The following JCAD variants were observed in gnomAD, a reference collection of about 807,000 sequenced individuals.
JCAD encodes the protein junctional cadherin 5 associated.
In JCAD, 40 loss-of-function variants were observed where a neutral mutation model predicts 98.0. The ratio of observed to expected loss-of-function variants is 0.41; its 90% CI spans 0.32 to 0.53. The LOEUF (loss-of-function observed/expected upper bound fraction) is 0.53, where lower values mean the gene tolerates loss of function less well. JCAD is among the 20% of genes least tolerant of loss of function. The pLI is 0.31. For missense variants in JCAD, 1,705 were observed against 1,738.1 expected (o/e 0.98, Z 0.34); for synonymous variants, 691 against 682.3 (o/e 1.01, Z -0.20).
At chr10:30,030,844 G>T (rs1034844155) in intron 2 of JCAD, among the ~76,000 whole-genome samples, 1 of 151,738 alleles carries the variant, frequency 6.6e-6, no homozygotes, top group African/African-American at 2.4e-5. Flanking sequence ...CAAAAATCCA[G>T]ATGCCAGGCA....
intron 1 of JCAD, among the ~76,000 whole-genome samples, chr10:30,097,464 G>T (rs1020332390): frequency 6.6e-6 from 1 of 152,100 alleles, no homozygotes; most frequent in Non-Finnish European, 1.5e-5. Flanking sequence ...GAAAAGAGAC[G>T]CAGGGCCTGG....
chr10:30,036,806 G>GGGA (rs1194659642), intron 2 of JCAD, among the ~76,000 whole-genome samples: 1 of 152,226 alleles, frequency 6.6e-6, no homozygotes, highest in Non-Finnish European at 1.5e-5. Context: ...GGTGGGGCTG[G>GGGA]GGAGGCCCCA....
In JCAD at chr10:30,026,597, C is replaced by T. The variant is rs558409890; in HGVS notation, c.3551G>A (p.Ser1184Asn). ...CTCAGGCTCAGGGACAGGGTCTGTG[C>T]TGGTGACAACCCCGTCCACATCTGA... is the stretch of plus-strand genomic sequence containing the variant. Reference protein sequence around the residue: ...EHSDVDGVVTSTDPVPEPEPS... With the variant: ...EHSDVDGVVTNTDPVPEPEPS... Residue 1184 changes from serine (S) to asparagine (N), a missense_variant, in exon 3 of 4, where the codon AGC becomes AAC. Physicochemically the swap from Ser to Asn is conservative, Grantham distance 46. Transcript: ENST00000375377. 5.6e-6 allele frequency: 9 copies of T among 1,613,960 alleles called. No individual in the cohort carries two copies. The highest frequency in any genetic ancestry group is 7.6e-6 in the Non-Finnish European group (9 of 1,180,040).
At position 30,027,901 on chromosome 10, in the gene JCAD, G is replaced by C; in HGVS notation, c.2247C>G (p.Asn749Lys). The change falls in exon 3 of 4, where the codon AAC (asparagine) becomes AAG (lysine). Residue 749 changes from asparagine to lysine, a missense_variant. By Grantham distance (94) the Asn-to-Lys change is moderately conservative. This residue lies in a region of JCAD where 1,278 missense variants were observed against 1,243.1 expected (regional missense o/e 1.03). Transcript: ENST00000375377. Reference protein sequence around the residue: ...GDHKQRPSARNLKGHRSLSPS... With the variant: ...GDHKQRPSARKLKGHRSLSPS... ...GGCTGAGGGACCTGTGACCTTTCAG[G>C]TTACGGGCACTTGGCCTCTGTTTGT... 6.2e-7 allele frequency: 1 copy of C among 1,614,216 alleles called. No homozygotes were observed. The highest frequency in any genetic ancestry group is 8.5e-7 in the Non-Finnish European group (1 of 1,180,026).
intron 1 of JCAD, among the ~76,000 whole-genome samples, chr10:30,093,380 T>A (rs1016860267): frequency 1.3e-5 from 2 of 152,248 alleles, no homozygotes; most frequent in Admixed American, 6.5e-5. Flanking sequence ...GCTTACAAGA[T>A]AGTGTTCACA....
intron 1 of JCAD, among the ~76,000 whole-genome samples, chr10:30,085,337 A>G (rs964680946): frequency 2.0e-5 from 3 of 152,140 alleles, no homozygotes; most frequent in Non-Finnish European, 2.9e-5. Context: ...TATTCATCCT[A>G]TGGTAAGTTC....
At chr10:30,046,016 G>A (rs772130517) in intron 2 of JCAD, among the ~76,000 whole-genome samples, 1 of 152,192 alleles carries the variant, frequency 6.6e-6, no homozygotes, top group African/African-American at 2.4e-5. Context: ...CATGGAAGGC[G>A]AGTTCATTCC....
intron 1 of JCAD, among the ~76,000 whole-genome samples, chr10:30,103,229 G>A (rs926545451): frequency 6.6e-6 from 1 of 152,138 alleles, no homozygotes; most frequent in African/African-American, 2.4e-5. Context: ...GGTTGTTTCT[G>A]TATCTTAGCT....
intron 1 of JCAD, among the ~76,000 whole-genome samples, chr10:30,076,881 G>T (rs1837990506): frequency 6.6e-6 from 1 of 152,088 alleles, no homozygotes; most frequent in Admixed American, 6.6e-5. Context: ...CCAGCTAGGA[G>T]GGCCGAATCG....
rs982633908 is a variant in JCAD, at chr10:30,017,151, A to C, written c.*732T>G. On this transcript the variant is annotated 3_prime_UTR_variant, in exon 4 of 4. Coordinates refer to ENST00000375377, the MANE Select transcript of JCAD (RefSeq NM_020848.4). The stretch of plus-strand genomic sequence containing the variant: ...TTTTTCATATAAAGAATTTCTAAAT[A>C]CCCATACAGAAAATAAAAATAGATA... 2.0e-5 allele frequency: 3 copies of C among 152,230 alleles called. No individual in the cohort carries two copies. Among genetic ancestry groups the C allele is most frequent in the Non-Finnish European group, 2.9e-5 (2 of 68,044 alleles). The allele number at this position is 152,230 out of a possible 1,614,324, so 9.4% of individuals were successfully genotyped here.
chr10:30,075,866 G>T lies in JCAD; in HGVS notation n.129-6045C>A, dbSNP rs535729092. Among the ~76,000 whole-genome samples the T allele has an allele frequency of 1.8e-4, 28 of 152,288 alleles. 1 individual carries two copies. In the South Asian group the frequency reaches 2.7e-3, roughly 15 times the overall value. ...GCTCCCATGCATTTGGGTCTACTCC[G>T]TTTGCTTGACACGGCTGTATCCTCA... On this transcript the variant is annotated intron_variant and non_coding_transcript_variant, in intron 1 of 2. Transcript: ENST00000465712.
chr10:30,032,779 T>C (rs1183432285), intron 2 of JCAD, among the ~76,000 whole-genome samples: 2 of 152,220 alleles, frequency 1.3e-5, no homozygotes, highest in Non-Finnish European at 2.9e-5. Context: ...TGGTATTATG[T>C]GAACATTTCC....
At chr10:30,063,901 G>C (rs1009094388), upstream of JCAD, among the ~76,000 whole-genome samples, 1 of 151,906 alleles carries the variant, frequency 6.6e-6, no homozygotes, top group African/African-American at 2.4e-5. Flanking sequence ...TCCGCGTCAG[G>C]GTTCATGCAA....
rs1190531763 is a variant in JCAD at position 30,059,018 on chromosome 10, A to G, written c.-60+464T>C. Among the ~76,000 whole-genome samples, 5 of 151,966 alleles carry G rather than the reference A, an allele frequency of 3.3e-5. No individual in the cohort carries two copies. Among genetic ancestry groups the G allele is most frequent in the African/African-American group, 1.2e-4 (5 of 41,410 alleles). ...TCGGGGACCCAGCGCGGCGGCTGTCAGCTCTGGGGTGAGGTCCGCGAGATC... is the reference window on the plus strand; with the variant it reads ...TCGGGGACCCAGCGCGGCGGCTGTCGGCTCTGGGGTGAGGTCCGCGAGATC... On this transcript the variant is annotated intron_variant, in intron 1 of 3. Coordinates refer to ENST00000375377, the MANE Select transcript of JCAD (RefSeq NM_020848.4). The surrounding 1 kb of genome is among the most constrained non-coding windows in gnomAD (Gnocchi z 5.0).
chr10:30,052,792 A>G (rs1013560620), intron 1 of JCAD, among the ~76,000 whole-genome samples: 38 of 152,216 alleles, frequency 2.5e-4, no homozygotes, highest in African/African-American at 8.9e-4. Flanking sequence ...TATTATTTCA[A>G]TTACGGATCT....
intron 1 of JCAD, among the ~76,000 whole-genome samples, chr10:30,094,782 C>A (rs1364864427): frequency 6.6e-6 from 1 of 152,188 alleles, no homozygotes; most frequent in East Asian, 1.9e-4. Flanking sequence ...ACCGATTTAG[C>A]CCACCTGTTC....
intron 1 of JCAD, among the ~76,000 whole-genome samples, chr10:30,091,810 T>C (rs1423044669): frequency 1.4e-5 from 2 of 143,126 alleles, no homozygotes; most frequent in Admixed American, 1.5e-4. Flanking sequence ...GATCACCTGA[T>C]GTCAGGAGTT....
rs34594193 is a variant in JCAD, at chr10:30,027,571, ACTGCTGCTG to A, written c.2568_2576del (p.Ser857_Ser859del). On this transcript the variant is annotated inframe_deletion, in exon 3 of 4. Coordinates refer to ENST00000375377, the MANE Select transcript of JCAD (RefSeq NM_020848.4). Reference sequence around the variant, plus strand: ...GCTGCGGCTCCGCCTCACTCTCCTCACTGCTGCTGCTGCTGCTGCTGCTGCTACTGCTGC... The same window carrying A: ...GCTGCGGCTCCGCCTCACTCTCCTCACTGCTGCTGCTGCTGCTACTGCTGC... The A allele has an allele frequency of 2.0e-5, 32 of 1,612,408 alleles. No homozygotes were observed. The highest frequency in any genetic ancestry group is 8.9e-5 in the East Asian group (4 of 44,852).
chr10:30,108,605 T>C (rs1028765785), intron 1 of JCAD, among the ~76,000 whole-genome samples: 1 of 152,184 alleles, frequency 6.6e-6, no homozygotes, highest in Non-Finnish European at 1.5e-5. Flanking sequence ...CAACATTTAG[T>C]TGTCACACAT....
Sources: allele counts gnomAD v4.1 joint callset (sites outside exome capture counted in the v4.1 genomes callset), GRCh38; gene constraint gnomAD v4.1.1; regional missense constraint gnomAD v4.1.1; non-coding constraint Gnocchi (gnomAD v3.1); transcripts MANE v1.5; gene names NCBI Gene and HGNC (gene_info 2026-07-23, HGNC 2026-07-21).